Variants in CDH19 observed in about 807,000 individuals in gnomAD.
CDH19 encodes the protein cadherin-19.
A neutral mutation model predicts 64.2 loss-of-function variants in CDH19; 67 were observed. The observed-to-expected ratio is 1.04, with a 90% CI of 0.86 to 1.28. CDH19 has a LOEUF of 1.28. CDH19 is among the 50% of genes most tolerant of loss of function. The pLI, the probability that CDH19 is intolerant of heterozygous loss-of-function variation, is 0.00. For missense variants in CDH19, 1,030 were observed against 929.0 expected, an observed-to-expected ratio of 1.11 and a Z score of -1.41; for synonymous variants, 346 against 319.3, an observed-to-expected ratio of 1.08 and a Z score of -0.89.
Position 66,505,018 on chromosome 18 carries a change from C to A in CDH19, c.2113G>T (p.Glu705Ter), listed in dbSNP as rs780158515. The A allele has an allele frequency of 1.9e-6, 3 of 1,613,506 alleles. No individual in the cohort carries two copies. The highest frequency in any genetic ancestry group is 2.7e-5 in the African/African-American group (2 of 74,874). The change falls in exon 12 of 12, where the codon GAA becomes TAA. Residue 705 changes from glutamate to a stop codon, truncating the protein, a stop_gained. Coordinates refer to ENST00000262150, the MANE Select transcript of CDH19 (RefSeq NM_021153.4). LOFTEE classifies it low-confidence loss of function (END_TRUNC). ...GGGGCACACGGATCAGTATTAGCTTCTTCGAGCTTTTCCAGAATGAATTTC... is the reference window on the plus strand; with the variant it reads ...GGGGCACACGGATCAGTATTAGCTTATTCGAGCTTTTCCAGAATGAATTTC... The part of the protein sequence containing the change: ...FRKFILEKLE[E>*]ANTDPCAPPF...
rs1984978288 is a variant in CDH19, at chr18:66,502,280, C to G, written c.*2532G>C. ...CTACCAAAGAGATGAGCAATCGTGTCTGTGCTTTCCCTGTGTATCCTATGA... is the reference window on the plus strand; with the variant it reads ...CTACCAAAGAGATGAGCAATCGTGTGTGTGCTTTCCCTGTGTATCCTATGA... On this transcript the variant is annotated 3_prime_UTR_variant, in exon 12 of 12. Coordinates refer to ENST00000262150, the MANE Select transcript of CDH19 (RefSeq NM_021153.4). 1 of 152,004 alleles carries G rather than the reference C, an allele frequency of 6.6e-6. No homozygotes were observed. Among genetic ancestry groups the G allele is most frequent in the Non-Finnish European group, 1.5e-5 (1 of 67,962 alleles). 9.4% of individuals were successfully genotyped at this position (152,004 alleles called of 1,614,324 possible).
At position 66,579,630 on chromosome 18, in the gene CDH19, GAT is replaced by G. The variant is rs1204196555; in HGVS notation, c.-112-7316_-112-7315del. On this transcript the variant is annotated intron_variant, in intron 1 of 11. Coordinates refer to ENST00000262150, the MANE Select transcript of CDH19 (RefSeq NM_021153.4). ...TCAAAAAAAGCAGGAGTATAGGAAA[GAT>G]ATTGCTCTAGATTAAGAAAGATTTA... Among the ~76,000 whole-genome samples, 3 of 152,016 alleles carry G rather than the reference GAT, an allele frequency of 2.0e-5. No individual in the cohort carries two copies. In the East Asian group the frequency reaches 5.8e-4, roughly 29 times the overall value.
chr18:66,536,661 T>C (rs553707458), intron 7 of CDH19, among the ~76,000 whole-genome samples: 34 of 151,836 alleles, frequency 2.2e-4, no homozygotes, highest in Non-Finnish European at 2.4e-4. Context: ...TAAAAATATA[T>C]GTAGCCCCTC....
intron 2 of CDH19, among the ~76,000 whole-genome samples, chr18:66,570,519 T>C (rs1413019001): frequency 6.6e-6 from 1 of 151,742 alleles, no homozygotes; most frequent in Non-Finnish European, 1.5e-5. Flanking sequence ...TACTTCCCAA[T>C]CTTAATCATT....
intron 2 of CDH19, among the ~76,000 whole-genome samples, 195 bp downstream of exon 2, chr18:66,571,815 C>T (rs1988111684): frequency 6.6e-6 from 1 of 151,514 alleles, no homozygotes; most frequent in Non-Finnish European, 1.5e-5. Context: ...ATTTAAAAAC[C>T]AGAGCTATCC....
chr18:66,556,207 A>G (rs13381937), intron 3 of CDH19, among the ~76,000 whole-genome samples: 2,982 of 151,746 alleles, frequency 0.02, 109 homozygotes, highest in African/African-American at 0.068. Context: ...ATAGATAGTA[A>G]CATGATTACT....
chr18:66,602,642 A>T (rs1386796895), intron 1 of CDH19, among the ~76,000 whole-genome samples: 1 of 151,864 alleles, frequency 6.6e-6, no homozygotes, highest in Non-Finnish European at 1.5e-5. Context: ...TAAGACTGTA[A>T]AAATCAGATA....
In CDH19 at chr18:66,510,685, T is replaced by C. The variant is rs914306125; in HGVS notation, c.1576+883A>G. The stretch of plus-strand genomic sequence containing the variant: ...CATGGCTAAATTTTGTGGAAAGGAG[T>C]CTGGAGATTTGTCAAAGAGCTTGAA... On this transcript the variant is annotated intron_variant, in intron 10 of 11. Transcript: ENST00000262150. Among the ~76,000 whole-genome samples the C allele has an allele frequency of 8.7e-5, 13 of 150,006 alleles. No homozygotes were observed. The Middle Eastern group carries it at 0.01, about 119-fold the overall frequency.
rs749105539 is a variant in CDH19, at chr18:66,568,557, C to G, written c.349G>C (p.Ala117Pro). The G allele has an allele frequency of 1.2e-6, 2 of 1,612,320 alleles. No individual in the cohort carries two copies. The highest frequency in any genetic ancestry group is 1.7e-6 in the Non-Finnish European group (2 of 1,178,948). Residue 117 changes from alanine (A) to proline (P), a missense_variant, in exon 3 of 12, where the codon GCC becomes CCC. By Grantham distance (27) the Ala-to-Pro change is conservative. Coordinates refer to ENST00000262150, the MANE Select transcript of CDH19 (RefSeq NM_021153.4). ...REERSLYILR[A>P]QVIDIATGRA... is the part of the protein sequence containing the mutation. The stretch of plus-strand genomic sequence containing the variant: ...CCAGTAGCGATGTCTATTACCTGGG[C>G]TCTTAAGATGTAGAGGGATCGCTCC...
chr18:66,518,749 G>A (rs17798803), intron 9 of CDH19, among the ~76,000 whole-genome samples: 43,764 of 151,956 alleles, frequency 0.29, 7,395 homozygotes, highest in Non-Finnish European at 0.38. Context: ...TCTCTTGACC[G>A]AAAATATTCC....
chr18:66,543,224 T>C (rs1370052417), intron 7 of CDH19, among the ~76,000 whole-genome samples: 3 of 151,970 alleles, frequency 2.0e-5, no homozygotes, highest in Non-Finnish European at 4.4e-5. Flanking sequence ...GAGACGGGGT[T>C]TCACATGTTA....
At chr18:66,514,902 A>C (rs185996657) in intron 9 of CDH19, among the ~76,000 whole-genome samples, 23 of 151,762 alleles carry the variant, frequency 1.5e-4, no homozygotes, top group African/African-American at 4.1e-4. Flanking sequence ...CTTGTACACA[A>C]ATATTTGGAG....
chr18:66,520,327 G>C (rs892114376), intron 9 of CDH19, among the ~76,000 whole-genome samples: 1 of 144,886 alleles, frequency 6.9e-6, no homozygotes, highest in Non-Finnish European at 1.5e-5. Flanking sequence ...ATAACTAGCT[G>C]GAAGAAAATA....
At chr18:66,601,367 T>C (rs916228460) in intron 1 of CDH19, among the ~76,000 whole-genome samples, 1 of 152,028 alleles carries the variant, frequency 6.6e-6, no homozygotes, top group African/African-American at 2.4e-5. Flanking sequence ...CTAGGTTATT[T>C]TAAGACATGA....
rs191774608 is a variant in CDH19 at position 66,551,454 on chromosome 18, A to G, written c.611-196T>C. Among the ~76,000 whole-genome samples, 272 of 152,160 alleles carry G rather than the reference A, an allele frequency of 1.8e-3. 5 individuals are homozygous for G. The highest frequency in any genetic ancestry group is 3.8e-4 in the Non-Finnish European group (26 of 67,972). ...CCTAGAGTCTAGAGTGATCATCACA[A>G]TATTAGGAACACTGGTAGGCCCTTA... On this transcript the variant is annotated intron_variant, in intron 4 of 11. Transcript: ENST00000262150.
At chr18:66,513,615 A>C (rs1056583122) in intron 9 of CDH19, among the ~76,000 whole-genome samples, 2 of 151,476 alleles carry the variant, frequency 1.3e-5, no homozygotes, top group Admixed American at 6.6e-5. Context: ...ATACCAATGG[A>C]AAGGTTTTCA....
chr18:66,540,689 C>T (rs1216489020), intron 7 of CDH19, among the ~76,000 whole-genome samples: 1 of 152,086 alleles, frequency 6.6e-6, no homozygotes, highest in Non-Finnish European at 1.5e-5. Context: ...ACCTGTGTCA[C>T]TTGATGCCTT....
rs766137303 is a variant in CDH19, at chr18:66,554,393, A to C, written c.610+12T>G. 1.2e-6 allele frequency: 2 copies of C among 1,609,440 alleles called. No homozygotes were observed. The highest frequency in any genetic ancestry group is 3.4e-5 in the Admixed American group (2 of 59,382). ...AATCATGTTAAACTTTGCTTGTTTC[A>C]TTCACAAATACCTGTTGTTGGTTCA... On this transcript the variant is annotated intron_variant, in intron 4 of 11. Coordinates refer to ENST00000262150, the MANE Select transcript of CDH19 (RefSeq NM_021153.4).
chr18:66,504,866 AG>A lies in CDH19; in HGVS notation c.2264del (p.Pro755LeufsTer6). On this transcript the variant is annotated frameshift_variant, in exon 12 of 12. Coordinates refer to ENST00000262150, the MANE Select transcript of CDH19 (RefSeq NM_021153.4). LOFTEE classifies it high-confidence loss of function. The part of the protein sequence containing the change: ...ESYDYLNELG[P>X]RFKRLACMFG... ...ACATGCATGCTAATCTTTTAAAGCGAGGTCCCAACTCATTAAGGTAATCATA... is the reference window on the plus strand; with the variant it reads ...ACATGCATGCTAATCTTTTAAAGCGAGTCCCAACTCATTAAGGTAATCATA... 2 of 1,610,762 alleles carry A rather than the reference AG, an allele frequency of 1.2e-6. No homozygotes were observed. Among genetic ancestry groups the A allele is most frequent in the Non-Finnish European group, 1.7e-6 (2 of 1,177,442 alleles).
Sources: allele counts gnomAD v4.1 joint callset (sites outside exome capture counted in the v4.1 genomes callset), GRCh38; gene constraint gnomAD v4.1.1; transcripts MANE v1.5; gene names NCBI Gene and HGNC (gene_info 2026-07-23, HGNC 2026-07-21).